RPGRIP1L: variants seen among roughly 807,000 people sequenced by gnomAD.
RPGRIP1L encodes protein fantom.
RPGRIP1L carries 131 observed loss-of-function variants against 160.4 expected under a neutral mutation model. The ratio of observed to expected loss-of-function variants is 0.82; its 90% CI spans 0.71 to 0.94. The LOEUF is 0.94. Ranked by LOEUF, RPGRIP1L falls within the 40% of genes least tolerant of loss-of-function variation. The pLI is 0.00. For missense variants in RPGRIP1L, 1,522 were observed against 1,535.8 expected, an observed-to-expected ratio of 0.99 and a Z score of 0.15; for synonymous variants, 510 against 515.8, an observed-to-expected ratio of 0.99 and a Z score of 0.15.
intron 6 of RPGRIP1L, among the ~76,000 whole-genome samples, chr16:53,676,719 G>A (rs540520885): frequency 4.0e-5 from 6 of 151,880 alleles, no homozygotes; most frequent in East Asian, 1.9e-4. Context: ...TGCAACCTCC[G>A]CCTCCTGGTT....
intron 6 of RPGRIP1L, among the ~76,000 whole-genome samples, chr16:53,685,672 A>G (rs1474879234): frequency 7.4e-6 from 1 of 135,118 alleles, no homozygotes; most frequent in East Asian, 2.5e-4. Context: ...ATGGACACAT[A>G]GGGTGGGGGG....
chr16:53,672,904 T>C lies in RPGRIP1L; in HGVS notation c.995A>G (p.His332Arg). The C allele has an allele frequency of 1.2e-6, 2 of 1,613,176 alleles. No homozygotes were observed. The highest frequency in any genetic ancestry group is 1.7e-6 in the Non-Finnish European group (2 of 1,179,504). The change falls in exon 8 of 27, where the codon CAT becomes CGT. Residue 332 changes from histidine to arginine, a missense_variant. His to Arg is a conservative substitution (Grantham distance 29). Coordinates refer to ENST00000647211, the MANE Select transcript of RPGRIP1L (RefSeq NM_015272.5). ...TCTTCTTTCAGAAAACTTCATAGAA[T>C]GTAATTGTTTCTCAAGACTGCAGCA... ...LKCCSLEKQLHSMKFSERRIE... is the reference protein window; with the variant it reads ...LKCCSLEKQLRSMKFSERRIE...
In RPGRIP1L at chr16:53,658,484, A is replaced by G; in HGVS notation, c.1351-20T>C. 1 of 1,577,580 alleles carries G rather than the reference A, an allele frequency of 6.3e-7. No homozygotes were observed. The highest frequency in any genetic ancestry group is 8.7e-7 in the Non-Finnish European group (1 of 1,147,144). On this transcript the variant is annotated intron_variant, in intron 11 of 26. Transcript: ENST00000647211. ...ATTCTCCTGCAATAGATTAAGTAAA[A>G]GCTCACAATGAGTTATGAATGGAAA...
chr16:53,682,935 C>T (rs949572893), intron 6 of RPGRIP1L, among the ~76,000 whole-genome samples: 7 of 152,068 alleles, frequency 4.6e-5, no homozygotes, highest in African/African-American at 1.4e-4. Flanking sequence ...TTTTGTCTTG[C>T]ACTTAGAAGG....
In RPGRIP1L at chr16:53,651,089, G is replaced by T. The variant is rs1258550978; in HGVS notation, c.2152+1446C>A. Among the ~76,000 whole-genome samples, 3 of 152,128 alleles carry T rather than the reference G, an allele frequency of 2.0e-5. No individual in the cohort carries two copies. The East Asian group carries it at 5.8e-4, about 29-fold the overall frequency. ...ACTTGGATGTCTAATAGGCGGGTCAGTCTTAACTTGTCCAAACAGAATTCT... is the reference window on the plus strand; with the variant it reads ...ACTTGGATGTCTAATAGGCGGGTCATTCTTAACTTGTCCAAACAGAATTCT... On this transcript the variant is annotated intron_variant, in intron 15 of 26. Transcript: ENST00000647211.
chr16:53,694,077 TTTGA>T (rs1326334506), intron 3 of RPGRIP1L: 1 of 152,192 alleles, frequency 6.6e-6, no homozygotes, highest in Non-Finnish European at 1.5e-5. Context: ...ATTTGCTGGA[TTTGA>T]TTATTTTATC....
intron 6 of RPGRIP1L, among the ~76,000 whole-genome samples, chr16:53,681,858 C>T (rs1448210330): frequency 1.3e-5 from 2 of 152,172 alleles, no homozygotes; most frequent in Non-Finnish European, 2.9e-5. Flanking sequence ...TGTTTGAGAA[C>T]AAGGAGTCCA....
Position 53,605,478 on chromosome 16 carries a change from T to C in RPGRIP1L, c.3835+3A>G, listed in dbSNP as rs769218955. Reference sequence around the variant, plus strand: ...ACAAACTGAGCAACACTTTCACCCATACCATCGATATTTTGCTCAATGAGG... The same window carrying C: ...ACAAACTGAGCAACACTTTCACCCACACCATCGATATTTTGCTCAATGAGG... On this transcript the variant is annotated splice_donor_region_variant and intron_variant, in intron 26 of 26. Coordinates refer to ENST00000647211, the MANE Select transcript of RPGRIP1L (RefSeq NM_015272.5). The C allele has an allele frequency of 5.6e-6, 9 of 1,614,022 alleles. No homozygotes were observed. In the Admixed American group the frequency reaches 1.0e-4, roughly 18 times the overall value.
intron 17 of RPGRIP1L, among the ~76,000 whole-genome samples, chr16:53,645,269 G>T (rs979361169): frequency 1.3e-5 from 2 of 151,374 alleles, no homozygotes; most frequent in Non-Finnish European, 2.9e-5. Context: ...TGTACTGTTG[G>T]TATATAATAC....
At chr16:53,630,250 A>T (rs1325389695) in intron 22 of RPGRIP1L, among the ~76,000 whole-genome samples, 1 of 152,110 alleles carries the variant, frequency 6.6e-6, no homozygotes, top group Non-Finnish European at 1.5e-5. Flanking sequence ...GGGTCTTGTT[A>T]CATTGCCCAG....
intron 17 of RPGRIP1L, among the ~76,000 whole-genome samples, chr16:53,643,746 G>C (rs1272481412): frequency 1.3e-5 from 2 of 152,146 alleles, no homozygotes; most frequent in Non-Finnish European, 2.9e-5. Flanking sequence ...AAGTCACCAA[G>C]CAAAAATAGC....
intron 6 of RPGRIP1L, among the ~76,000 whole-genome samples, chr16:53,678,630 G>C (rs1969378351): frequency 1.3e-5 from 2 of 151,440 alleles, no homozygotes; most frequent in African/African-American, 2.4e-5. Context: ...GAATTTTTGA[G>C]ATAAAAATGT....
intron 6 of RPGRIP1L, among the ~76,000 whole-genome samples, chr16:53,683,929 C>T (rs1370124485): frequency 6.6e-6 from 1 of 152,050 alleles, no homozygotes; most frequent in South Asian, 2.1e-4. Flanking sequence ...ACTGGCTAGC[C>T]ATATGCAGAA....
At chr16:53,646,149 C>G in intron 16 of RPGRIP1L, 146 bp from the exon 17 acceptor site, 1 of 734,754 alleles carries the variant, frequency 1.4e-6, no homozygotes, top group East Asian at 2.7e-5. Flanking sequence ...AACTTTTATT[C>G]TAATGGAAAA....
chr16:53,670,092 C>T lies in RPGRIP1L; in HGVS notation c.1103+1418G>A, dbSNP rs969934983. Among the ~76,000 whole-genome samples the T allele has an allele frequency of 5.9e-5, 9 of 152,112 alleles. No homozygotes were observed. In the South Asian group the frequency reaches 1.9e-3, roughly 32 times the overall value. ...GTGTCTGAACCTACTGTTGGTAACC[C>T]TTAATATAATCAGTCACTGTACAAA... On this transcript the variant is annotated intron_variant, in intron 9 of 26. Transcript: ENST00000647211.
chr16:53,608,806 C>G (rs1329836930), intron 25 of RPGRIP1L, among the ~76,000 whole-genome samples: 3 of 152,220 alleles, frequency 2.0e-5, no homozygotes, highest in South Asian at 4.1e-4. Flanking sequence ...GCTGGAATAA[C>G]AATTGGCTTT....
In RPGRIP1L at chr16:53,692,206, T is replaced by C. The variant is rs765642149; in HGVS notation, c.389A>G (p.Lys130Arg). 1.9e-5 allele frequency: 31 copies of C among 1,614,060 alleles called. No individual in the cohort carries two copies. Among genetic ancestry groups the C allele is most frequent in the Non-Finnish European group, 2.5e-6 (3 of 1,180,046 alleles). ...HELEKQNETL[K>R]NRLISAKQQL... is the part of the protein sequence containing the mutation. ...CTGTTTGGCTGAAATCAGTCTGTTTTTGAGGGTTTCATTTTGTTTTTCAAG... is the reference window on the plus strand; with the variant it reads ...CTGTTTGGCTGAAATCAGTCTGTTTCTGAGGGTTTCATTTTGTTTTTCAAG... The change falls in exon 4 of 27, where the codon AAA (lysine) becomes AGA (arginine). Residue 130 changes from lysine to arginine, a missense_variant. Physicochemically the swap from Lys to Arg is conservative, Grantham distance 26. Transcript: ENST00000647211.
At chr16:53,602,896 A>G (rs1405771430) in intron 26 of RPGRIP1L, among the ~76,000 whole-genome samples, 1 of 152,252 alleles carries the variant, frequency 6.6e-6, no homozygotes, top group East Asian at 1.9e-4. Context: ...CATAGCTTGA[A>G]TTAGTTATTT....
At chr16:53,700,034 A>G (rs138960375) in intron 2 of RPGRIP1L, among the ~76,000 whole-genome samples, 237 of 152,356 alleles carry the variant, frequency 1.6e-3, no homozygotes, top group African/African-American at 5.3e-3. Context: ...TAATCGATAC[A>G]TGCATGACAG....
Sources: allele counts gnomAD v4.1 joint callset (sites outside exome capture counted in the v4.1 genomes callset), GRCh38; gene constraint gnomAD v4.1.1; transcripts MANE v1.5; gene names NCBI Gene and HGNC (gene_info 2026-07-23, HGNC 2026-07-21).